The following PRKG1 variants were observed in gnomAD, a reference collection of about 807,000 sequenced individuals.
PRKG1 encodes protein kinase cGMP-dependent 1.
A neutral mutation model predicts 88.1 loss-of-function variants in PRKG1; 35 were observed. The ratio of observed to expected loss-of-function variants is 0.40; its 90% confidence interval spans 0.30 to 0.53. PRKG1 has a LOEUF of 0.53. Among genes scored for constraint, PRKG1 ranks in the 20% least tolerant of loss-of-function variants. The pLI, the probability that PRKG1 is intolerant of heterozygous loss-of-function variation, is 0.59. For synonymous variants in PRKG1, 303 were observed against 292.5 expected, an observed-to-expected ratio of 1.04 and a Z score of -0.37; for missense variants, 540 against 839.8, an observed-to-expected ratio of 0.64 and a Z score of 4.41.
intron 8 of PRKG1, among the ~76,000 whole-genome samples, chr10:52,135,562 A>AT (rs994947085): frequency 7.9e-5 from 12 of 152,154 alleles, no homozygotes; most frequent in Non-Finnish European, 1.6e-4. Context: ...GGAGGAACCC[A>AT]TAAGAAATGA....
At chr10:51,664,704 A>G (rs114827673) in intron 3 of PRKG1, among the ~76,000 whole-genome samples, 5,464 of 152,246 alleles carry the variant, frequency 0.036, 137 homozygotes, top group South Asian at 0.1. Context: ...TTTGTTAAGA[A>G]AAATAAGATG....
At chr10:52,180,206 G>A (rs571813518) in intron 9 of PRKG1, among the ~76,000 whole-genome samples, 2 of 152,222 alleles carry the variant, frequency 1.3e-5, no homozygotes, top group African/African-American at 4.8e-5. Flanking sequence ...TGTTGTTGAA[G>A]TTCTCAACTG....
At chr10:51,356,503 A>T (rs938446998) in intron 2 of PRKG1, among the ~76,000 whole-genome samples, 2 of 151,970 alleles carry the variant, frequency 1.3e-5, no homozygotes, top group Non-Finnish European at 2.9e-5. Flanking sequence ...TGAATATTCT[A>T]GACTAAAAGA....
Position 51,097,907 on chromosome 10 carries a change from T to C in PRKG1, c.311+23006T>C, listed in dbSNP as rs144747027. Among the ~76,000 whole-genome samples the C allele has an allele frequency of 2.1e-3, 317 of 151,406 alleles. 1 individual carries two copies. The highest frequency in any genetic ancestry group is 7.4e-3 in the African/African-American group (304 of 41,288). On this transcript the variant is annotated intron_variant, in intron 1 of 17. Coordinates refer to ENST00000373980, the MANE Select transcript of PRKG1 (RefSeq NM_006258.4). ...CATGATTCTTGAGAAATGATAGGTCTTGGGCTAGCTTTTCTGGATCTCCTC... is the reference window on the plus strand; with the variant it reads ...CATGATTCTTGAGAAATGATAGGTCCTGGGCTAGCTTTTCTGGATCTCCTC...
chr10:51,969,050 A>G (rs144941719), intron 5 of PRKG1, among the ~76,000 whole-genome samples: 1,600 of 152,232 alleles, frequency 0.011, 22 homozygotes, highest in African/African-American at 0.035. Flanking sequence ...AAAATAGAAT[A>G]CATAGAAAAT....
At chr10:51,103,646 C>T (rs187987834) in intron 1 of PRKG1, among the ~76,000 whole-genome samples, 94 of 152,102 alleles carry the variant, frequency 6.2e-4, no homozygotes, top group Non-Finnish European at 1.0e-3. Context: ...AAGTGGGATC[C>T]GGATGAGCTG....
At chr10:51,504,079 G>A (rs902327748) in intron 3 of PRKG1, among the ~76,000 whole-genome samples, 11 of 152,182 alleles carry the variant, frequency 7.2e-5, no homozygotes, top group Non-Finnish European at 1.3e-4. Flanking sequence ...CTTATAAAGC[G>A]GAGCCCTGTT....
chr10:52,022,120 T>C (rs1845201658), intron 5 of PRKG1, among the ~76,000 whole-genome samples: 1 of 152,138 alleles, frequency 6.6e-6, no homozygotes, highest in African/African-American at 2.4e-5. Flanking sequence ...AAGTCAGCCA[T>C]TAGGGTAAAT....
At chr10:51,036,454 G>A (rs1260209468) in intron 1 of PRKG1, among the ~76,000 whole-genome samples, 1 of 152,130 alleles carries the variant, frequency 6.6e-6, no homozygotes, top group Non-Finnish European at 1.5e-5. Context: ...GAAGCTTGGG[G>A]TGACTGGGGG....
At chr10:51,756,005 C>A (rs1837850115) in intron 3 of PRKG1, among the ~76,000 whole-genome samples, 1 of 152,104 alleles carries the variant, frequency 6.6e-6, no homozygotes, top group Non-Finnish European at 1.5e-5. Context: ...GTTCAATCAT[C>A]CTGGATCACG....
Position 50,991,405 on chromosome 10 carries a change from C to A in PRKG1, c.27C>A (p.Ala9=). Residue 9 remains alanine (A), a synonymous_variant, in exon 1 of 18, where the codon GCC becomes GCA. Coordinates refer to the PRKG1 transcript ENST00000401604. The surrounding 1 kb of genome is among the most constrained non-coding windows in gnomAD (Gnocchi z 4.5). ...TGAGCGAGCTAGAGGAAGACTTTGC[C>A]AAGATTCTCATGCTCAAGGAGGAGA... The A allele has an allele frequency of 6.4e-7, 1 of 1,559,010 alleles. No homozygotes were observed. The highest frequency in any genetic ancestry group is 8.7e-7 in the Non-Finnish European group (1 of 1,152,986).
chr10:51,235,618 T>C (rs767591067), intron 2 of PRKG1, among the ~76,000 whole-genome samples: 2 of 152,216 alleles, frequency 1.3e-5, no homozygotes, highest in Non-Finnish European at 2.9e-5. Context: ...TAATTTATGA[T>C]GAATTTTAAA....
chr10:52,112,282 T>C (rs1172090637), intron 7 of PRKG1, among the ~76,000 whole-genome samples: 2 of 152,192 alleles, frequency 1.3e-5, no homozygotes, highest in Non-Finnish European at 2.9e-5. Context: ...AACTTTTCTC[T>C]CTTGTATTAT....
intron 5 of PRKG1, among the ~76,000 whole-genome samples, chr10:51,934,118 G>A (rs1842753089): frequency 6.6e-6 from 1 of 152,002 alleles, no homozygotes. Context: ...AGAAAGAAAA[G>A]CTTTGCTCAT....
At chr10:52,039,478 T>C (rs1845702418) in intron 5 of PRKG1, among the ~76,000 whole-genome samples, 2 of 152,188 alleles carry the variant, frequency 1.3e-5, no homozygotes, top group Non-Finnish European at 2.9e-5. Context: ...CTTTTGTGAT[T>C]CTTCAGTTAC....
chr10:52,205,195 T>C (rs1839786878), intron 9 of PRKG1, among the ~76,000 whole-genome samples: 1 of 152,202 alleles, frequency 6.6e-6, no homozygotes, highest in Non-Finnish European at 1.5e-5. Context: ...TGGAAGTTCA[T>C]TAGTGATTCT....
intron 10 of PRKG1, among the ~76,000 whole-genome samples, chr10:52,264,154 T>C (rs1169778985): frequency 7.0e-6 from 1 of 142,818 alleles, no homozygotes; most frequent in Non-Finnish European, 1.5e-5. Context: ...CTAAGGCCAG[T>C]GTCCTACAGG....
At chr10:51,775,694 C>T (rs1471091210) in intron 3 of PRKG1, among the ~76,000 whole-genome samples, 1 of 151,968 alleles carries the variant, frequency 6.6e-6, no homozygotes, top group Non-Finnish European at 1.5e-5. Flanking sequence ...AAGCGATTCT[C>T]CTGCCTCAGC....
intron 3 of PRKG1, among the ~76,000 whole-genome samples, chr10:51,730,974 G>C (rs1253433393): frequency 6.6e-6 from 1 of 152,104 alleles, no homozygotes; most frequent in Non-Finnish European, 1.5e-5. Context: ...TGGCCAACAT[G>C]ATGAAACCCT....
Sources: gnomAD v4.1 joint callset for allele counts (sites outside exome capture counted in the v4.1 genomes callset) on GRCh38, gnomAD v4.1.1 for gene constraint, Gnocchi (gnomAD v3.1) non-coding constraint, MANE v1.5 for transcripts, NCBI Gene and HGNC (gene_info 2026-07-23, HGNC 2026-07-21) for gene names.